CA12: variants seen among roughly 807,000 people sequenced by gnomAD.
CA12 encodes carbonate dehydratase XII.
Under a neutral mutation model 46.8 loss-of-function variants are expected in CA12, and 36 were observed. The observed-to-expected ratio is 0.77, with a 90% CI of 0.59 to 1.02. The LOEUF is 1.02. Among genes scored for constraint, CA12 ranks in the 50% least tolerant of loss-of-function variants. The pLI, the probability that CA12 is intolerant of heterozygous loss-of-function variation, is 0.00. For missense variants in CA12, 436 were observed against 451.4 expected (o/e 0.97, Z 0.31); for synonymous variants, 202 against 187.0 (o/e 1.08, Z -0.65).
chr15:63,326,347 C>G lies in CA12; in HGVS notation c.1003G>C (p.Gly335Arg). 6.2e-7 allele frequency: 1 copy of G among 1,613,466 alleles called. No homozygotes were observed. The change falls in exon 11 of 11, where the codon GGT (glycine) becomes CGT (arginine). Residue 335 changes from glycine (G) to arginine (R), a missense_variant. Gly to Arg is a moderately radical substitution (Grantham distance 125). Coordinates refer to ENST00000178638, the MANE Select transcript of CA12 (RefSeq NM_001218.5). Reference protein sequence around the residue: ...WLFRRKSIKKGDNKGVIYKPA... With the variant: ...WLFRRKSIKKRDNKGVIYKPA... ...TTGTAAATGACTCCCTTGTTATCAC[C>G]TTTTTTGATACTAGAACAGAAAGAA... is the stretch of plus-strand genomic sequence containing the variant.
chr15:63,340,368 C>A lies in CA12; in HGVS notation c.667G>T (p.Gly223Trp). ...ERTAEYYRYR[G>W]SLTTPPCNPT... The stretch of plus-strand genomic sequence containing the variant: ...TTGCAAGGGGGTGTGGTCAGGGACC[C>A]CCGGTAGCGGTAATATTCAGCGGTC... The change falls in exon 7 of 11, where the codon GGG becomes TGG. Residue 223 changes from glycine to tryptophan, a missense_variant. Coordinates refer to ENST00000178638, the MANE Select transcript of CA12 (RefSeq NM_001218.5). This position sits in a 1 kb window ranked among gnomAD's most constrained non-coding sequence, Gnocchi z 4.4. The A allele has an allele frequency of 6.2e-7, 1 of 1,614,084 alleles. No homozygotes were observed. The highest frequency in any genetic ancestry group is 8.5e-7 in the Non-Finnish European group (1 of 1,180,006).
At chr15:63,347,805 A>G (rs1481569017) in intron 2 of CA12, among the ~76,000 whole-genome samples, 1 of 152,198 alleles carries the variant, frequency 6.6e-6, no homozygotes, top group Admixed American at 6.5e-5. Flanking sequence ...TGTGGGCTCT[A>G]TCAGAGCTGG....
At chr15:63,357,383 A>G (rs1201276943) in intron 2 of CA12, among the ~76,000 whole-genome samples, 1 of 152,208 alleles carries the variant, frequency 6.6e-6, no homozygotes, top group Admixed American at 6.5e-5. Context: ...GAGAATCCCC[A>G]GCCCAGAGCC....
intron 8 of CA12, among the ~76,000 whole-genome samples, chr15:63,335,095 A>G (rs879791148): frequency 1.1e-4 from 16 of 152,250 alleles, no homozygotes; most frequent in Non-Finnish European, 1.9e-4. Flanking sequence ...CTGCCTGCAC[A>G]GAGTTGGCAA....
rs1486156123 is a variant in CA12, at chr15:63,340,358, G to A, written c.677C>T (p.Thr226Ile). 2 of 1,614,168 alleles carry A rather than the reference G, an allele frequency of 1.2e-6. No homozygotes were observed. The highest frequency in any genetic ancestry group is 3.3e-5 in the Admixed American group (2 of 60,024). The part of the protein sequence containing the change: ...AEYYRYRGSL[T>I]TPPCNPTVLW... Reference sequence around the variant, plus strand: ...CACAGTGGGGTTGCAAGGGGGTGTGGTCAGGGACCCCCGGTAGCGGTAATA... The same window carrying A: ...CACAGTGGGGTTGCAAGGGGGTGTGATCAGGGACCCCCGGTAGCGGTAATA... The change falls in exon 7 of 11, where the codon ACC (threonine) becomes ATC (isoleucine). Residue 226 changes from threonine (T) to isoleucine (I), a missense_variant. Thr to Ile is a moderately conservative substitution (Grantham distance 89, BLOSUM62 -1). Coordinates refer to ENST00000178638, the MANE Select transcript of CA12 (RefSeq NM_001218.5). This position sits in a 1 kb window ranked among gnomAD's most constrained non-coding sequence, Gnocchi z 4.4.
chr15:63,381,836 G>T lies in CA12; in HGVS notation c.-116C>A. On this transcript the variant is annotated 5_prime_UTR_variant, in exon 1 of 11. Coordinates refer to ENST00000178638, the MANE Select transcript of CA12 (RefSeq NM_001218.5). ...GCAGCCTGGGTGCCGTGGCGAGTAC[G>T]TCCGCCCTTCGCTCTCCTGGCTTCC... is the stretch of plus-strand genomic sequence containing the variant. The T allele has an allele frequency of 3.3e-6, 2 of 606,224 alleles. No individual in the cohort carries two copies. Among genetic ancestry groups the T allele is most frequent in the Non-Finnish European group, 2.6e-6 (1 of 382,164 alleles). The allele number at this position is 606,224 out of a possible 1,614,324, so 37.6% of individuals were successfully genotyped here. A position where few individuals can be genotyped will look rare whatever the true frequency, so the allele number is the denominator to read the frequency against.
chr15:63,357,603 C>A (rs2152622016), intron 2 of CA12, among the ~76,000 whole-genome samples: 1 of 152,288 alleles, frequency 6.6e-6, no homozygotes, highest in East Asian at 1.9e-4. Flanking sequence ...TTCTTGTGAG[C>A]AGAGTCAGGG....
intron 2 of CA12, among the ~76,000 whole-genome samples, chr15:63,358,690 A>G (rs570614429): frequency 7.2e-5 from 11 of 152,264 alleles, no homozygotes; most frequent in African/African-American, 2.6e-4. Flanking sequence ...ACCTTGAACT[A>G]ACTCTGAGCT....
rs1188891701 is a variant in CA12 at position 63,322,166 on chromosome 15, C to A, written c.*4119G>T. 1 of 152,162 alleles carries A rather than the reference C, an allele frequency of 6.6e-6. No individual in the cohort carries two copies. Among genetic ancestry groups the A allele is most frequent in the Non-Finnish European group, 1.5e-5 (1 of 68,032 alleles). The allele number at this position is 152,162 out of a possible 1,614,324, so 9.4% of individuals were successfully genotyped here. On this transcript the variant is annotated 3_prime_UTR_variant, in exon 11 of 11. Transcript: ENST00000178638. The surrounding 1 kb of genome is among the most constrained non-coding windows in gnomAD (Gnocchi z 4.1). ...AAACAACTTCTAAGTGTGTTTGGAG[C>A]AACTCGGATATTGGAATCTTTTAAA...
In CA12 at chr15:63,326,354, G is replaced by C; in HGVS notation, c.996C>G (p.Ile332Met). Reference protein sequence around the residue: ...VSIWLFRRKSIKKGDNKGVIY... With the variant: ...VSIWLFRRKSMKKGDNKGVIY... ...TGACTCCCTTGTTATCACCTTTTTT[G>C]ATACTAGAACAGAAAGAACACATAA... The change falls in exon 11 of 11, where the codon ATC becomes ATG. Residue 332 changes from isoleucine to methionine, a missense_variant. Physicochemically the swap from Ile to Met is conservative, Grantham distance 10. Transcript: ENST00000178638. The C allele has an allele frequency of 6.2e-7, 1 of 1,612,700 alleles. No homozygotes were observed. Among genetic ancestry groups the C allele is most frequent in the Middle Eastern group, 1.7e-4 (1 of 6,058 alleles).
At chr15:63,380,952 T>G (rs1280453567) in intron 1 of CA12, among the ~76,000 whole-genome samples, 3 of 152,210 alleles carry the variant, frequency 2.0e-5, no homozygotes, top group African/African-American at 7.2e-5. Context: ...GAGCCTCCAT[T>G]CAGTCCCTCA....
intron 2 of CA12, 69 bp downstream of exon 2, chr15:63,375,589 G>A (rs2039559832): frequency 1.9e-6 from 2 of 1,056,524 alleles, no homozygotes; most frequent in South Asian, 1.3e-5. Flanking sequence ...TGAAGTTTCT[G>A]TTTTTCTCAT....
intron 8 of CA12, 105 bp downstream of exon 8, chr15:63,338,714 G>C (rs1390016740): frequency 6.6e-7 from 1 of 1,507,506 alleles, no homozygotes; most frequent in Non-Finnish European, 9.2e-7. Flanking sequence ...GGAGCTCTCA[G>C]CCAACTTCTT....
intron 1 of CA12, among the ~76,000 whole-genome samples, chr15:63,379,995 A>G (rs2039624470): frequency 6.6e-6 from 1 of 152,186 alleles, no homozygotes; most frequent in Non-Finnish European, 1.5e-5. Context: ...AGAGCAGATC[A>G]CACTTTGACC....
intron 2 of CA12, chr15:63,375,456 G>A (rs746044833): frequency 3.4e-5 from 18 of 530,230 alleles, no homozygotes; most frequent in East Asian, 1.3e-4. Flanking sequence ...GAGCAGGCTC[G>A]CCTGCTTGGA....
chr15:63,370,601 C>T (rs955394242), intron 2 of CA12, among the ~76,000 whole-genome samples: 1 of 151,748 alleles, frequency 6.6e-6, no homozygotes, highest in African/African-American at 2.4e-5. Flanking sequence ...GGTGAAACCC[C>T]GTCTCTATTA....
chr15:63,366,117 G>T (rs1381589477), intron 2 of CA12, among the ~76,000 whole-genome samples: 2 of 145,966 alleles, frequency 1.4e-5, no homozygotes, highest in Admixed American at 1.4e-4. Flanking sequence ...CTCCAGCCTG[G>T]GTGACAGAGC....
intron 8 of CA12, among the ~76,000 whole-genome samples, chr15:63,332,544 G>C (rs944376127): frequency 3.3e-5 from 5 of 152,206 alleles, no homozygotes; most frequent in African/African-American, 1.2e-4. Flanking sequence ...CTGTCCCTGG[G>C]GAAAGAATGG....
chr15:63,326,161 G>C lies in CA12; in HGVS notation c.*124C>G, dbSNP rs2038863253. 3.8e-6 allele frequency: 3 copies of C among 788,478 alleles called. No homozygotes were observed. The South Asian group carries it at 4.2e-5, about 11-fold the overall frequency. 48.8% of individuals were successfully genotyped at this position (788,478 alleles called of 1,614,324 possible). ...AGGCACCCAGCAGAGGATCCCTGAG[G>C]CCTGGCATGTTTGCAGATTGAGCTA... On this transcript the variant is annotated 3_prime_UTR_variant, in exon 11 of 11. Transcript: ENST00000178638.
Sources: allele counts gnomAD v4.1 joint callset (sites outside exome capture counted in the v4.1 genomes callset), GRCh38; gene constraint gnomAD v4.1.1; non-coding constraint Gnocchi (gnomAD v3.1); transcripts MANE v1.5; gene names NCBI Gene and HGNC (gene_info 2026-07-23, HGNC 2026-07-21).